The following GRSF1 variants were observed in gnomAD, a reference collection of about 807,000 sequenced individuals.
GRSF1 encodes the protein G-rich RNA sequence binding factor 1.
Under a neutral mutation model 51.1 loss-of-function variants are expected in GRSF1, and 50 were observed. The ratio of observed to expected loss-of-function variants is 0.98; its 90% CI spans 0.78 to 1.24. The LOEUF is 1.24. Among genes scored for constraint, GRSF1 ranks in the 50% most tolerant of loss-of-function variants. GRSF1 has a pLI of 0.00. For synonymous variants in GRSF1, 293 were observed against 253.3 expected, an observed-to-expected ratio of 1.16 and a Z score of -1.49; for missense variants, 700 against 639.7, an observed-to-expected ratio of 1.09 and a Z score of -1.02.
At chr4:70,833,940 C>T (rs1734088741) in intron 2 of GRSF1, among the ~76,000 whole-genome samples, 1 of 152,288 alleles carries the variant, frequency 6.6e-6, no homozygotes, top group African/African-American at 2.4e-5. Flanking sequence ...AGGATTTACT[C>T]CTGCTCCACA....
chr4:70,840,718 G>A (rs1578314448), upstream of GRSF1, among the ~76,000 whole-genome samples: 1 of 152,116 alleles, frequency 6.6e-6, no homozygotes, highest in Non-Finnish European at 1.5e-5. Flanking sequence ...AGCCAAGATC[G>A]TGCCACCGCA....
rs767710974 is a variant in GRSF1 at position 70,827,637 on chromosome 4, G to A, written c.1135+215C>T. ...TACTAAAAATATAAAAATTGGCTGC[G>A]CGTGGCGGCATGCGCCTGTAGTCCC... On this transcript the variant is annotated intron_variant, in intron 6 of 9. Transcript: ENST00000254799. 1.2e-4 allele frequency among the ~76,000 whole-genome samples: 18 copies of A among 152,184 alleles called. 1 individual carries two copies. The Middle Eastern group carries it at 0.01, about 87-fold the overall frequency.
At chr4:70,821,609 A>G (rs1733508900) in intron 9 of GRSF1, among the ~76,000 whole-genome samples, 1 of 141,172 alleles carries the variant, frequency 7.1e-6, no homozygotes. Flanking sequence ...CCGTCTCCCA[A>G]AAAAAAAAAA....
chr4:70,825,334 T>C lies in GRSF1; in HGVS notation c.1355A>G (p.Asp452Gly), dbSNP rs1733692431. 2 of 1,611,194 alleles carry C rather than the reference T, an allele frequency of 1.2e-6. No homozygotes were observed. Among genetic ancestry groups the C allele is most frequent in the East Asian group, 4.5e-5 (2 of 44,848 alleles). ...EADVHFETHE[D>G]AVAAMLKDRS... ...ATCCTTGAGCATCGCTGCAACAGCATCCTCATGGGTCTCAAAGTGCACATC... is the reference window on the plus strand; with the variant it reads ...ATCCTTGAGCATCGCTGCAACAGCACCCTCATGGGTCTCAAAGTGCACATC... The change falls in exon 8 of 10, where the codon GAT becomes GGT. Residue 452 changes from aspartate (D) to glycine (G), a missense_variant. Asp to Gly is a moderately conservative substitution (Grantham distance 94). Transcript: ENST00000254799.
Position 70,831,665 on chromosome 4 carries a change from A to G in GRSF1, c.824T>C (p.Ile275Thr). The change falls in exon 5 of 10, where the codon ATA becomes ACA. Residue 275 changes from isoleucine to threonine, a missense_variant. By Grantham distance (89) the Ile-to-Thr change is moderately conservative. Coordinates refer to ENST00000254799, the MANE Select transcript of GRSF1 (RefSeq NM_002092.4). The stretch of plus-strand genomic sequence containing the variant: ...GTCCATCACAAAAGTAATGTCAACT[A>G]TATTCAGTCCTAGGACACCAAGAGA... ...DIVDFFAGLN[I>T]VDITFVMDYR... is the part of the protein sequence containing the mutation. The G allele has an allele frequency of 1.2e-6, 2 of 1,612,980 alleles. No individual in the cohort carries two copies. The highest frequency in any genetic ancestry group is 1.1e-5 in the South Asian group (1 of 90,974).
At position 70,817,703 on chromosome 4, in the gene GRSF1, C is replaced by G. The variant is rs565076513; in HGVS notation, c.*3184G>C. On this transcript the variant is annotated 3_prime_UTR_variant, in exon 10 of 10. Coordinates refer to ENST00000254799, the MANE Select transcript of GRSF1 (RefSeq NM_002092.4). ...AAATAGTCATGTTGGAACAGTTTGGCAGTTTCTTCCAAAACTAAACATACT... is the reference window on the plus strand; with the variant it reads ...AAATAGTCATGTTGGAACAGTTTGGGAGTTTCTTCCAAAACTAAACATACT... 1.8e-4 allele frequency: 28 copies of G among 152,204 alleles called. No homozygotes were observed. Among genetic ancestry groups the G allele is most frequent in the Non-Finnish European group, 3.7e-4 (25 of 68,022 alleles). The allele number at this position is 152,204 out of a possible 1,614,324, so 9.4% of individuals were successfully genotyped here. A position where few individuals can be genotyped will look rare whatever the true frequency, so the allele number is the denominator to read the frequency against.
chr4:70,839,823 G>A lies in GRSF1; in HGVS notation c.5C>T (p.Ala2Val), dbSNP rs1292619994. 10 of 1,495,514 alleles carry A rather than the reference G, an allele frequency of 6.7e-6. No individual in the cohort carries two copies. Among genetic ancestry groups the A allele is most frequent in the Non-Finnish European group, 8.8e-6 (10 of 1,130,112 alleles). The allele number at this position is 1,495,514 out of a possible 1,614,324, so 92.6% of individuals were successfully genotyped here. A position where few individuals can be genotyped will look rare whatever the true frequency, so the allele number is the denominator to read the frequency against. M[A>V]GTRWVLGALL... ...CGCCCCGAGTACCCAGCGCGTGCCG[G>A]CCATGGACTCCGGAGGCGGCGCAGG... Residue 2 changes from alanine (A) to valine (V), a missense_variant, in exon 1 of 10, where the codon GCC (alanine) becomes GTC (valine). Physicochemically the swap from Ala to Val is moderately conservative, Grantham distance 64. Transcript: ENST00000254799.
chr4:70,843,046 A>G (rs1734487421), upstream of GRSF1, among the ~76,000 whole-genome samples: 1 of 152,172 alleles, frequency 6.6e-6, no homozygotes, highest in Admixed American at 6.6e-5. Context: ...TGCCATCCTC[A>G]TGACAGAGTG....
rs1410775735 is a variant in GRSF1 at position 70,819,418 on chromosome 4, AG to A, written c.*1468del. 1 of 152,212 alleles carries A rather than the reference AG, an allele frequency of 6.6e-6. No homozygotes were observed. The highest frequency in any genetic ancestry group is 2.4e-5 in the African/African-American group (1 of 41,464). 9.4% of individuals were successfully genotyped at this position (152,212 alleles called of 1,614,324 possible). A position where few individuals can be genotyped will look rare whatever the true frequency, so the allele number is the denominator to read the frequency against. On this transcript the variant is annotated 3_prime_UTR_variant, in exon 10 of 10. Transcript: ENST00000254799. ...TTAAGTCATGTTCACAGGATTTTAG[AG>A]AACACACACACGAAAATTAACCCTT...
chr4:70,815,974 C>T lies in GRSF1; in HGVS notation c.*4913G>A, dbSNP rs553962074. ...ATACAAACATGCTGAGTAAAAGGAA[C>T]TTACAGAATACATACTGCATAAGTG... On this transcript the variant is annotated 3_prime_UTR_variant, in exon 10 of 10. Coordinates refer to ENST00000254799, the MANE Select transcript of GRSF1 (RefSeq NM_002092.4). The T allele has an allele frequency of 6.6e-6, 1 of 152,172 alleles. No individual in the cohort carries two copies. The highest frequency in any genetic ancestry group is 6.5e-5 in the Admixed American group (1 of 15,276). The allele number at this position is 152,172 out of a possible 1,614,324, so 9.4% of individuals were successfully genotyped here.
In GRSF1 at chr4:70,832,243, T is replaced by C. The variant is rs558401833; in HGVS notation, c.814+64A>G. The C allele has an allele frequency of 9.9e-6, 14 of 1,407,182 alleles. No homozygotes were observed. In the Admixed American group the frequency reaches 2.3e-4, roughly 23 times the overall value. 87.2% of individuals were successfully genotyped at this position (1,407,182 alleles called of 1,614,324 possible). A position where few individuals can be genotyped will look rare whatever the true frequency, so the allele number is the denominator to read the frequency against. On this transcript the variant is annotated intron_variant, in intron 4 of 9. Coordinates refer to ENST00000254799, the MANE Select transcript of GRSF1 (RefSeq NM_002092.4). ...TGCCCAGAAACAGGCTCATCTAAGA[T>C]ATAGAAGGAGATACCAAGGGAAAAA...
chr4:70,834,912 C>T lies in GRSF1; in HGVS notation c.514+1246G>A, dbSNP rs114642415. 8.8e-3 allele frequency among the ~76,000 whole-genome samples: 1,346 copies of T among 152,138 alleles called. 12 individuals carry two copies. The highest frequency in any genetic ancestry group is 0.014 in the Non-Finnish European group (921 of 67,980). On this transcript the variant is annotated intron_variant, in intron 2 of 9. Coordinates refer to ENST00000254799, the MANE Select transcript of GRSF1 (RefSeq NM_002092.4). ...TGCTGGGATTACAGGCGTGAGCCACCGCACTTGGACCCGATAGGTATTTTT... is the reference window on the plus strand; with the variant it reads ...TGCTGGGATTACAGGCGTGAGCCACTGCACTTGGACCCGATAGGTATTTTT...
chr4:70,831,544 A>G lies in GRSF1; in HGVS notation c.945T>C (p.Gly315=). The G allele has an allele frequency of 6.2e-7, 1 of 1,613,120 alleles. No homozygotes were observed. ...TTAGTATCTGCTTTACTCACCGATTACCAATTTCTTCCCTGTGTTTCAACA... is the reference window on the plus strand; with the variant it reads ...TTAGTATCTGCTTTACTCACCGATTGCCAATTTCTTCCCTGTGTTTCAACA... The part of the protein sequence containing the change: ...QALLKHREEI[G]NRYIEIFPSR... The change falls in exon 5 of 10, where the codon GGT becomes GGC. Residue 315 remains glycine, a synonymous_variant. Transcript: ENST00000254799.
At chr4:70,830,474 A>C (rs1208224627) in intron 5 of GRSF1, among the ~76,000 whole-genome samples, 1 of 151,102 alleles carries the variant, frequency 6.6e-6, no homozygotes. Context: ...ACACACACAC[A>C]CAGAGAATTA....
intron 7 of GRSF1, 67 bp downstream of exon 7, chr4:70,826,057 T>C: frequency 7.3e-7 from 1 of 1,369,902 alleles, no homozygotes; most frequent in Non-Finnish European, 1.0e-6. Flanking sequence ...TTCCCCAAAT[T>C]AATACAAGTT....
At chr4:70,838,616 A>T (rs1734320940) in intron 1 of GRSF1, among the ~76,000 whole-genome samples, 1 of 152,224 alleles carries the variant, frequency 6.6e-6, no homozygotes, top group South Asian at 2.1e-4. Context: ...AAAAGTGTGC[A>T]GACACTTCCC....
chr4:70,839,407 G>A (rs1453983832), intron 1 of GRSF1, 64 bp downstream of exon 1: 4 of 1,507,208 alleles, frequency 2.7e-6, no homozygotes, highest in Non-Finnish European at 3.5e-6. Flanking sequence ...ACGGAGGGGC[G>A]CGGGGGCGCG....
chr4:70,823,513 G>T (rs1022094112), intron 9 of GRSF1, among the ~76,000 whole-genome samples: 2 of 148,746 alleles, frequency 1.3e-5, no homozygotes, highest in Non-Finnish European at 3.0e-5. Context: ...CATCTGAGAA[G>T]CCAGAGCGAG....
rs763705162 is a variant in GRSF1 at position 70,828,078 on chromosome 4, T to C, written c.951-42A>G. On this transcript the variant is annotated intron_variant, in intron 5 of 9. Coordinates refer to ENST00000254799, the MANE Select transcript of GRSF1 (RefSeq NM_002092.4). ...GTAAACAGGCACAAATGGTGCAAAGTAACTTTATACTGAACTCATTTAAAA... is the reference window on the plus strand; with the variant it reads ...GTAAACAGGCACAAATGGTGCAAAGCAACTTTATACTGAACTCATTTAAAA... 2.8e-6 allele frequency: 4 copies of C among 1,410,338 alleles called. No homozygotes were observed. The South Asian group carries it at 4.7e-5, about 17-fold the overall frequency. 87.4% of individuals were successfully genotyped at this position (1,410,338 alleles called of 1,614,324 possible).
Sources: allele counts gnomAD v4.1 joint callset (sites outside exome capture counted in the v4.1 genomes callset), GRCh38; gene constraint gnomAD v4.1.1; transcripts MANE v1.5; gene names NCBI Gene and HGNC (gene_info 2026-07-23, HGNC 2026-07-21).